SIPA1L3: variants seen among roughly 807,000 people sequenced by gnomAD.
The protein encoded by SIPA1L3 is signal induced proliferation associated 1 like 3, also known as signal-induced proliferation-associated 1-like protein 3.
Under a neutral mutation model 150.1 loss-of-function variants are expected in SIPA1L3, and 59 were observed. The observed-to-expected ratio is 0.39, with a 90% CI of 0.32 to 0.49. SIPA1L3 has a LOEUF of 0.49. Among genes scored for constraint, SIPA1L3 ranks in the 20% least tolerant of loss-of-function variants. The pLI, the probability that SIPA1L3 is intolerant of heterozygous loss-of-function variation, is 0.86. For missense variants in SIPA1L3, 2,211 were observed against 2,489.5 expected (o/e 0.89, Z 2.38); for synonymous variants, 1,070 against 1,077.6 (o/e 0.99, Z 0.14).
intron 2 of SIPA1L3, among the ~76,000 whole-genome samples, chr19:38,071,053 C>G (rs919873767): frequency 2.0e-5 from 3 of 152,172 alleles, no homozygotes; most frequent in African/African-American, 7.2e-5. Context: ...TTGCTTTCAG[C>G]TTCTTGGGCG....
At chr19:38,050,710 T>G (rs1568521012) in intron 2 of SIPA1L3, among the ~76,000 whole-genome samples, 1 of 152,092 alleles carries the variant, frequency 6.6e-6, no homozygotes, top group Non-Finnish European at 1.5e-5. Context: ...TTCTTTCACA[T>G]TTGAGTCGAG....
chr19:37,930,605 T>C (rs536536908), intron 1 of SIPA1L3, among the ~76,000 whole-genome samples: 1 of 152,280 alleles, frequency 6.6e-6, no homozygotes. Context: ...GCCATTGCCC[T>C]TTGAGATTGC....
intron 19 of SIPA1L3, among the ~76,000 whole-genome samples, chr19:38,201,321 A>C (rs1214532614): frequency 6.6e-6 from 1 of 152,232 alleles, no homozygotes; most frequent in Non-Finnish European, 1.5e-5. Context: ...GGGACCCAGG[A>C]ATCTTCACTT....
Position 38,193,533 on chromosome 19 carries a change from A to G in SIPA1L3, c.4597-4A>G. The G allele has an allele frequency of 6.8e-7, 1 of 1,470,476 alleles. No homozygotes were observed. Among genetic ancestry groups the G allele is most frequent in the Non-Finnish European group, 8.9e-7 (1 of 1,119,300 alleles). The allele number at this position is 1,470,476 out of a possible 1,614,324, so 91.1% of individuals were successfully genotyped here. Reference sequence around the variant, plus strand: ...TCCCCCAACATCCCACCCACGCCCCACAGCAGTCACCGCAGAAGGGCCTGC... The same window carrying G: ...TCCCCCAACATCCCACCCACGCCCCGCAGCAGTCACCGCAGAAGGGCCTGC... On this transcript the variant is annotated splice_region_variant and splice_polypyrimidine_tract_variant and intron_variant, in intron 17 of 21. Transcript: ENST00000222345.
At chr19:38,134,769 C>G (rs1219666128) in intron 10 of SIPA1L3, among the ~76,000 whole-genome samples, 1 of 149,146 alleles carries the variant, frequency 6.7e-6, no homozygotes. Flanking sequence ...AGGAGGCGCT[C>G]GAGAGACACT....
intron 2 of SIPA1L3, among the ~76,000 whole-genome samples, chr19:38,035,963 G>A (rs1968772692): frequency 1.3e-5 from 2 of 152,222 alleles, no homozygotes; most frequent in African/African-American, 4.8e-5. Context: ...AGGTGTAGCA[G>A]GACTGTGTTC....
chr19:37,995,773 T>G (rs1967626797), intron 1 of SIPA1L3, among the ~76,000 whole-genome samples: 1 of 152,106 alleles, frequency 6.6e-6, no homozygotes, highest in Non-Finnish European at 1.5e-5. Context: ...GGGAAGTCTG[T>G]AGGAGGGGAG....
intron 2 of SIPA1L3, among the ~76,000 whole-genome samples, chr19:38,074,610 A>G (rs559156674): frequency 1.3e-5 from 2 of 152,368 alleles, no homozygotes; most frequent in South Asian, 4.1e-4. Flanking sequence ...CAGTCTTGCC[A>G]TTCTGTAACT....
At chr19:38,092,655 G>A (rs963069436) in intron 4 of SIPA1L3, among the ~76,000 whole-genome samples, 4 of 152,112 alleles carry the variant, frequency 2.6e-5, no homozygotes, top group Non-Finnish European at 5.9e-5. Flanking sequence ...TTTGCTCAGC[G>A]TTCCCCCGTC....
intron 13 of SIPA1L3, among the ~76,000 whole-genome samples, chr19:38,161,464 C>T (rs369570084): frequency 8.1e-5 from 12 of 148,210 alleles, no homozygotes; most frequent in African/African-American, 2.2e-4. Context: ...GTAGCTCACA[C>T]CTGTAATCCC....
chr19:37,976,952 A>C (rs1200960540), intron 1 of SIPA1L3, among the ~76,000 whole-genome samples: 1 of 152,116 alleles, frequency 6.6e-6, no homozygotes, highest in Non-Finnish European at 1.5e-5. Flanking sequence ...CTCCCATCTC[A>C]GCCGCCTGAG....
chr19:37,946,128 C>A (rs2046708873), intron 1 of SIPA1L3, among the ~76,000 whole-genome samples: 4 of 151,290 alleles, frequency 2.6e-5, no homozygotes, highest in Admixed American at 2.6e-4. Flanking sequence ...GCACTCCAAC[C>A]TGGGGGACAA....
chr19:38,205,164 G>A (rs1017599344), intron 21 of SIPA1L3, among the ~76,000 whole-genome samples: 2 of 152,062 alleles, frequency 1.3e-5, no homozygotes, highest in Non-Finnish European at 2.9e-5. Context: ...GTCTCCATGG[G>A]GCGGAAGGAT....
intron 2 of SIPA1L3, among the ~76,000 whole-genome samples, chr19:38,074,623 C>G (rs565071887): frequency 3.3e-5 from 5 of 152,234 alleles, no homozygotes; most frequent in Non-Finnish European, 5.9e-5. Flanking sequence ...CTGTAACTGA[C>G]AGTTTAGAGT....
chr19:38,128,221 CTT>C (rs1295925383), intron 9 of SIPA1L3, among the ~76,000 whole-genome samples: 1 of 151,742 alleles, frequency 6.6e-6, no homozygotes, highest in African/African-American at 2.4e-5. Context: ...CGTCAGGCCT[CTT>C]TTATATGGGC....
chr19:38,119,998 A>G, intron 9 of SIPA1L3, 116 bp downstream of exon 9: 5 of 679,360 alleles, frequency 7.4e-6, no homozygotes, highest in Non-Finnish European at 7.3e-6. Context: ...GCCCGGAGAG[A>G]ATCACAGTTG....
rs200090564 is a variant in SIPA1L3 at position 38,110,348 on chromosome 19, G to A, written c.2255G>A (p.Arg752Gln). Residue 752 changes from arginine to glutamine, a missense_variant, in exon 8 of 22, where the codon CGA (arginine) becomes CAA (glutamine). Transcript: ENST00000222345. Reference sequence around the variant, plus strand: ...TTCCAGCACGTCTTCATCATTGTCCGAGTCCACAACCCCTGCACTGATAAC... The same window carrying A: ...TTCCAGCACGTCTTCATCATTGTCCAAGTCCACAACCCCTGCACTGATAAC... The part of the protein sequence containing the change: ...SHFQHVFIIV[R>Q]VHNPCTDNVC... 53 of 1,614,000 alleles carry A rather than the reference G, an allele frequency of 3.3e-5. No homozygotes were observed. In the East Asian group the frequency reaches 7.8e-4, roughly 24 times the overall value.
chr19:38,029,827 G>A (rs1452584712), intron 2 of SIPA1L3, among the ~76,000 whole-genome samples: 1 of 148,550 alleles, frequency 6.7e-6, no homozygotes, highest in Admixed American at 6.8e-5. Flanking sequence ...TCGAACTCCC[G>A]ACCTCAGGTG....
At chr19:37,920,020 G>T (rs1373815886) in intron 1 of SIPA1L3, among the ~76,000 whole-genome samples, 1 of 150,796 alleles carries the variant, frequency 6.6e-6, no homozygotes, top group Non-Finnish European at 1.5e-5. Flanking sequence ...GGGCCCTGAG[G>T]CTTTAATACC....
Sources: gnomAD v4.1 joint callset for allele counts (sites outside exome capture counted in the v4.1 genomes callset) on GRCh38, gnomAD v4.1.1 for gene constraint, MANE v1.5 for transcripts, NCBI Gene and HGNC (gene_info 2026-07-23, HGNC 2026-07-21) for gene names.